The following ATE1 variants were observed in gnomAD, a reference collection of about 807,000 sequenced individuals.
ATE1 encodes the protein arginyl-tRNA--protein transferase 1.
A neutral mutation model predicts 70.5 loss-of-function variants in ATE1; 36 were observed. That is an observed-to-expected ratio of 0.51 (90% confidence interval 0.39 to 0.67). The LOEUF (loss-of-function observed/expected upper bound fraction) is 0.67. ATE1 is among the 30% of genes least tolerant of loss of function. The pLI is 0.00. For missense variants in ATE1, 593 were observed against 629.5 expected (o/e 0.94, Z 0.62); for synonymous variants, 232 against 219.3 (o/e 1.06, Z -0.51).
intron 1 of ATE1, chr10:121,927,342 T>A (rs1952136004): frequency 8.7e-6 from 2 of 229,936 alleles, no homozygotes; most frequent in Non-Finnish European, 1.3e-5. Flanking sequence ...TTTTTTTAAC[T>A]TTTTTTTTTT....
intron 10 of ATE1, among the ~76,000 whole-genome samples, chr10:121,802,672 G>A (rs537035829): frequency 1.3e-5 from 2 of 151,982 alleles, no homozygotes; most frequent in African/African-American, 2.4e-5. Flanking sequence ...GCTTTCCTTC[G>A]ACTCTGCTTC....
intron 2 of ATE1, among the ~76,000 whole-genome samples, chr10:121,923,370 C>T (rs976470720): frequency 4.6e-5 from 7 of 152,134 alleles, no homozygotes; most frequent in African/African-American, 7.2e-5. Context: ...GAGGCTGAGG[C>T]AAGAGGATCA....
intron 10 of ATE1, among the ~76,000 whole-genome samples, chr10:121,805,593 T>C (rs191926191): frequency 5.6e-4 from 85 of 152,358 alleles, no homozygotes; most frequent in African/African-American, 2.0e-3. Context: ...TCTGCTAAAA[T>C]GGTACTAATA....
intron 3 of ATE1, among the ~76,000 whole-genome samples, chr10:121,919,811 C>T (rs1383023851): frequency 1.3e-5 from 2 of 151,518 alleles, no homozygotes; most frequent in Non-Finnish European, 2.9e-5. Context: ...GGCAAGAGCA[C>T]TGCTAGAACC....
At position 121,751,702 on chromosome 10, in the gene ATE1, A is replaced by G. The variant is rs372950215; in HGVS notation, c.1379-7844T>C. Among the ~76,000 whole-genome samples the G allele has an allele frequency of 1.2e-4, 19 of 152,284 alleles. No homozygotes were observed. In the South Asian group the frequency reaches 2.5e-3, roughly 20 times the overall value. On this transcript the variant is annotated intron_variant, in intron 11 of 11. Coordinates refer to ENST00000224652, the MANE Select transcript of ATE1 (RefSeq NM_001001976.3). ...GAATTCTTTACATATTCTGGTTACT[A>G]GATCCTTATTGAATGCATTATTTGG...
At chr10:121,837,963 G>A (rs575959140) in intron 9 of ATE1, among the ~76,000 whole-genome samples, 5 of 152,132 alleles carry the variant, frequency 3.3e-5, no homozygotes, top group Non-Finnish European at 7.4e-5. Context: ...CCAAACCTTG[G>A]AGTCACCCTT....
At chr10:121,842,508 CAAGCAAAAA>C (rs959223634) in intron 8 of ATE1, among the ~76,000 whole-genome samples, 35 of 151,760 alleles carry the variant, frequency 2.3e-4, no homozygotes, top group African/African-American at 8.4e-4. Flanking sequence ...ACACCAAAAC[CAAGCAAAAA>C]AATCAAGAAA....
intron 11 of ATE1, chr10:121,782,486 A>G (rs1347404729): frequency 6.6e-6 from 1 of 152,202 alleles, no homozygotes; most frequent in Non-Finnish European, 1.5e-5. Flanking sequence ...TTTATTGGCT[A>G]AGCAAAGTTT....
chr10:121,752,083 G>C (rs1944605081), intron 11 of ATE1, among the ~76,000 whole-genome samples: 1 of 150,958 alleles, frequency 6.6e-6, no homozygotes, highest in Non-Finnish European at 1.5e-5. Context: ...TGTAGTCCCA[G>C]CTACTAGGGA....
At chr10:121,804,611 T>C (rs1372783246) in intron 10 of ATE1, among the ~76,000 whole-genome samples, 2 of 152,216 alleles carry the variant, frequency 1.3e-5, no homozygotes, top group Non-Finnish European at 2.9e-5. Flanking sequence ...GCATTGAGTA[T>C]GTTTGGAAGC....
intron 8 of ATE1, among the ~76,000 whole-genome samples, chr10:121,860,030 C>T (rs972254869): frequency 3.3e-5 from 5 of 152,094 alleles, no homozygotes; most frequent in East Asian, 1.9e-4. Flanking sequence ...TGTTACAGAA[C>T]ATAAAACAGC....
In ATE1 at chr10:121,743,799, T is replaced by A. The variant is rs776466464; in HGVS notation, c.1438A>T (p.Met480Leu). Residue 480 changes from methionine to leucine, a missense_variant, in exon 12 of 12, where the codon ATG (methionine) becomes TTG (leucine). By Grantham distance (15) the Met-to-Leu change is conservative (BLOSUM62 2). Transcript: ENST00000224652. Reference protein sequence around the residue: ...RLQVFHKRAIMPYGVYKKQQK... With the variant: ...RLQVFHKRAILPYGVYKKQQK... ...TGTTTCTTATAAACACCGTAAGGCA[T>A]GATGGCTCTCTTGTGAAACACCTGC... 1.2e-6 allele frequency: 2 copies of A among 1,614,122 alleles called. No individual in the cohort carries two copies. Among genetic ancestry groups the A allele is most frequent in the South Asian group, 2.2e-5 (2 of 91,076 alleles).
chr10:121,791,927 A>G (rs769027754), intron 10 of ATE1, among the ~76,000 whole-genome samples: 31 of 152,236 alleles, frequency 2.0e-4, no homozygotes, highest in Non-Finnish European at 4.6e-4. Context: ...TGTTCGACGG[A>G]AAGGCTCTAT....
At chr10:121,783,902 T>C (rs1946100088) in intron 11 of ATE1, among the ~76,000 whole-genome samples, 1 of 152,124 alleles carries the variant, frequency 6.6e-6, no homozygotes, top group African/African-American at 2.4e-5. Context: ...TTTTTCGGTT[T>C]TGAGACAGGG....
intron 8 of ATE1, among the ~76,000 whole-genome samples, chr10:121,864,191 TG>T (rs1949578702): frequency 1.3e-5 from 2 of 152,234 alleles, no homozygotes; most frequent in Non-Finnish European, 2.9e-5. Flanking sequence ...CACCAGGGAC[TG>T]GTTTCGTGGA....
intron 8 of ATE1, among the ~76,000 whole-genome samples, chr10:121,857,641 C>T (rs902449744): frequency 1.3e-5 from 2 of 152,220 alleles, no homozygotes; most frequent in Non-Finnish European, 2.9e-5. Flanking sequence ...CAAAAAGACA[C>T]AGGCACTCAT....
chr10:121,820,391 CAT>C (rs747346062), intron 10 of ATE1, among the ~76,000 whole-genome samples: 2 of 152,084 alleles, frequency 1.3e-5, no homozygotes, highest in Non-Finnish European at 2.9e-5. Flanking sequence ...ATTAAACAAA[CAT>C]ATATGCCATT....
Position 121,927,996 on chromosome 10 carries a change from C to G in ATE1, c.-47G>C, listed in dbSNP as rs904871339. 5 of 1,405,840 alleles carry G rather than the reference C, an allele frequency of 3.6e-6. No individual in the cohort carries two copies. The African/African-American group carries it at 7.6e-5, about 21-fold the overall frequency. The allele number at this position is 1,405,840 out of a possible 1,614,324, so 87.1% of individuals were successfully genotyped here. A position where few individuals can be genotyped will look rare whatever the true frequency, so the allele number is the denominator to read the frequency against. On this transcript the variant is annotated 5_prime_UTR_variant, in exon 1 of 12. Coordinates refer to ENST00000224652, the MANE Select transcript of ATE1 (RefSeq NM_001001976.3). ...CAGCCGCCCGGCCCCGCGTCGCTAG[C>G]GCGGCCGCCGCCGCCACCCCACAAT...
At chr10:121,790,029 T>TACGTACAC in intron 11 of ATE1, 140 bp downstream of exon 11, 3 of 888,204 alleles carry the variant, frequency 3.4e-6, no homozygotes, top group South Asian at 4.4e-5. Context: ...TCCTCTATCT[T>TACGTACAC]ACACACACAC....
Sources: allele counts gnomAD v4.1 joint callset (sites outside exome capture counted in the v4.1 genomes callset), GRCh38; gene constraint gnomAD v4.1.1; transcripts MANE v1.5; gene names NCBI Gene and HGNC (gene_info 2026-07-23, HGNC 2026-07-21).